Variants in TMEM39B observed in about 807,000 individuals in gnomAD.
The protein encoded by TMEM39B is transmembrane protein 39B.
Under a neutral mutation model 52.2 loss-of-function variants are expected in TMEM39B, and 23 were observed. That is an observed-to-expected ratio of 0.44 (90% CI 0.32 to 0.62). The LOEUF (loss-of-function observed/expected upper bound fraction) is 0.62. Among genes scored for constraint, TMEM39B ranks in the 20% least tolerant of loss-of-function variants. The probability of loss-of-function intolerance (pLI) is 0.06; values close to 1 mark genes in which losing one functional copy is unlikely to be tolerated. For missense variants in TMEM39B, 547 were observed against 642.0 expected, an observed-to-expected ratio of 0.85 and a Z score of 1.60; for synonymous variants, 285 against 264.0, an observed-to-expected ratio of 1.08 and a Z score of -0.77.
chr1:32,084,269 C>A (rs1009366654), intron 5 of TMEM39B, among the ~76,000 whole-genome samples: 1 of 152,150 alleles, frequency 6.6e-6, no homozygotes, highest in African/African-American at 2.4e-5. Context: ...CCTGCTTCCC[C>A]CTACAAAGGC....
chr1:32,075,499 T>C (rs949867748), intron 2 of TMEM39B, 104 bp from the exon 3 acceptor site: 5 of 1,212,494 alleles, frequency 4.1e-6, no homozygotes, highest in Non-Finnish European at 4.6e-6. Flanking sequence ...CCGTCCTTGC[T>C]ATGAGCTGCT....
rs1004691229 is a variant in TMEM39B at position 32,095,986 on chromosome 1, G to C, written c.1115+1015G>C. 4.6e-5 allele frequency among the ~76,000 whole-genome samples: 7 copies of C among 152,164 alleles called. No homozygotes were observed. In the South Asian group the frequency reaches 1.4e-3, roughly 32 times the overall value. ...CATAGCTGAACATGAGGATATACCT[G>C]TCCATGGCTCACCGTGGTCCTTCGC... On this transcript the variant is annotated intron_variant, in intron 7 of 8. Coordinates refer to ENST00000336294, the MANE Select transcript of TMEM39B (RefSeq NM_018056.4).
In TMEM39B at chr1:32,102,854, A is replaced by C; in HGVS notation, c.*181A>C. 1.6e-6 allele frequency: 1 copy of C among 633,502 alleles called. No individual in the cohort carries two copies. Among genetic ancestry groups the C allele is most frequent in the Non-Finnish European group, 2.4e-6 (1 of 418,534 alleles). 39.2% of individuals were successfully genotyped at this position (633,502 alleles called of 1,614,324 possible). Reference sequence around the variant, plus strand: ...TGATAAGGAAAAAAGTCCTATTTTTATACTCCCAACAAGCCTGTGTCCTGT... The same window carrying C: ...TGATAAGGAAAAAAGTCCTATTTTTCTACTCCCAACAAGCCTGTGTCCTGT... On this transcript the variant is annotated 3_prime_UTR_variant, in exon 9 of 9. Coordinates refer to ENST00000336294, the MANE Select transcript of TMEM39B (RefSeq NM_018056.4).
intron 7 of TMEM39B, among the ~76,000 whole-genome samples, chr1:32,098,626 A>G (rs1640903202): frequency 1.3e-5 from 2 of 152,232 alleles, no homozygotes; most frequent in Admixed American, 6.5e-5. Context: ...CCAGCTACTC[A>G]GGAGGCTGAA....
chr1:32,073,019 G>T lies in TMEM39B; in HGVS notation c.-29G>T, dbSNP rs905535417. ...ACATATTGCCCGCAGGAGCTGCGGC[G>T]GCGAAGCGGAGAGCACCGGGGGGAG... On this transcript the variant is annotated 5_prime_UTR_variant, in exon 1 of 9. Transcript: ENST00000336294. 2 of 1,530,978 alleles carry T rather than the reference G, an allele frequency of 1.3e-6. No individual in the cohort carries two copies. The highest frequency in any genetic ancestry group is 2.8e-5 in the African/African-American group (2 of 71,116). 94.8% of individuals were successfully genotyped at this position (1,530,978 alleles called of 1,614,324 possible). A position where few individuals can be genotyped will look rare whatever the true frequency, so the allele number is the denominator to read the frequency against.
At chr1:32,074,008 C>A in intron 1 of TMEM39B, 1 of 598,052 alleles carries the variant, frequency 1.7e-6, no homozygotes. Flanking sequence ...CTCGGCCTCA[C>A]AAATTGCTGA....
At chr1:32,084,633 G>A (rs892067244) in intron 5 of TMEM39B, among the ~76,000 whole-genome samples, 1 of 151,758 alleles carries the variant, frequency 6.6e-6, no homozygotes, top group African/African-American at 2.4e-5. Context: ...GCAATGACAC[G>A]ATCTCAGCTC....
intron 7 of TMEM39B, among the ~76,000 whole-genome samples, chr1:32,097,922 G>A (rs879885319): frequency 6.6e-6 from 1 of 151,998 alleles, no homozygotes; most frequent in African/African-American, 2.4e-5. Flanking sequence ...GTGAGCCACC[G>A]TGCCCGGCCC....
At chr1:32,084,069 A>G (rs774684850) in intron 5 of TMEM39B, among the ~76,000 whole-genome samples, 8 of 152,236 alleles carry the variant, frequency 5.3e-5, no homozygotes, top group Non-Finnish European at 1.0e-4. Context: ...AGTTACTTAA[A>G]ATCATAGCAC....
Position 32,091,801 on chromosome 1 carries a change from C to G in TMEM39B, c.717C>G (p.Leu239=). The change falls in exon 6 of 9, where the codon CTC becomes CTG. Residue 239 remains leucine, a synonymous_variant. Coordinates refer to ENST00000336294, the MANE Select transcript of TMEM39B (RefSeq NM_018056.4). ...GCCTGGCAAAGAGCCGGGACTACCT[C>G]CTGACACTGCGGGAGACGTGGAAGC... ...VSGLAKSRDY[L]LTLRETWKQH... is the part of the protein sequence containing the mutation. The G allele has an allele frequency of 6.2e-7, 1 of 1,614,244 alleles. No individual in the cohort carries two copies.
chr1:32,090,213 C>G (rs1640546380), intron 5 of TMEM39B, among the ~76,000 whole-genome samples: 1 of 151,984 alleles, frequency 6.6e-6, no homozygotes, highest in Non-Finnish European at 1.5e-5. Flanking sequence ...TTTATAATTA[C>G]TTTTCTAGAC....
chr1:32,095,744 C>G (rs1464891953), intron 7 of TMEM39B: 1 of 152,350 alleles, frequency 6.6e-6, no homozygotes, highest in Non-Finnish European at 1.5e-5. Context: ...GAGGAGGCCC[C>G]TAGGACAGGT....
chr1:32,074,390 C>G (rs2124419521), intron 1 of TMEM39B, among the ~76,000 whole-genome samples: 1 of 152,236 alleles, frequency 6.6e-6, no homozygotes, highest in East Asian at 1.9e-4. Context: ...ATAGTGTAAG[C>G]TGAGTTTCCT....
intron 4 of TMEM39B, 92 bp downstream of exon 4, chr1:32,076,938 G>C: frequency 2.0e-6 from 3 of 1,466,398 alleles, no homozygotes; most frequent in Non-Finnish European, 2.9e-6. Context: ...TCAGCCTTAG[G>C]GTATTTCCTT....
intron 5 of TMEM39B, among the ~76,000 whole-genome samples, chr1:32,084,705 G>T (rs1014823254): frequency 6.6e-5 from 10 of 152,168 alleles, no homozygotes; most frequent in Admixed American, 5.9e-4. Context: ...GAGTAGCTGG[G>T]ATTACAGGCA....
chr1:32,099,416 T>C (rs928041595), intron 7 of TMEM39B, among the ~76,000 whole-genome samples: 5 of 152,096 alleles, frequency 3.3e-5, no homozygotes, highest in South Asian at 2.1e-4. Context: ...TGTATACATA[T>C]GTAACAAACC....
At position 32,074,835 on chromosome 1, in the gene TMEM39B, T is replaced by C. The variant is rs926754791; in HGVS notation, c.5-116T>C. 1.8e-5 allele frequency: 23 copies of C among 1,293,944 alleles called. No individual in the cohort carries two copies. The Admixed American group carries it at 5.7e-4, about 32-fold the overall frequency. The allele number at this position is 1,293,944 out of a possible 1,614,324, so 80.2% of individuals were successfully genotyped here. The stretch of plus-strand genomic sequence containing the variant: ...GTAAGAAGGGGCCAGATCATAGGTC[T>C]CAGTGAGGATTAAATGATAAAGTGA... On this transcript the variant is annotated intron_variant, in intron 1 of 8. Transcript: ENST00000336294.
chr1:32,098,865 C>G (rs1201899746), intron 7 of TMEM39B, among the ~76,000 whole-genome samples: 1 of 152,234 alleles, frequency 6.6e-6, no homozygotes, highest in Admixed American at 6.5e-5. Flanking sequence ...CTCAAGGGCT[C>G]TCAGCCTAGT....
intron 8 of TMEM39B, among the ~76,000 whole-genome samples, chr1:32,102,226 G>A (rs765095143): frequency 5.9e-5 from 9 of 152,100 alleles, no homozygotes; most frequent in Non-Finnish European, 1.3e-4. Context: ...TACATCAGAA[G>A]CAGCAGTCCT....
Sources: gnomAD v4.1 joint callset for allele counts (sites outside exome capture counted in the v4.1 genomes callset) on GRCh38, gnomAD v4.1.1 for gene constraint, MANE v1.5 for transcripts, NCBI Gene and HGNC (gene_info 2026-07-23, HGNC 2026-07-21) for gene names.